Variants in MAGI1 observed in about 807,000 individuals in gnomAD.
MAGI1 encodes the protein membrane-associated guanylate kinase, WW and PDZ domain-containing protein 1.
Under a neutral mutation model 139.9 loss-of-function variants are expected in MAGI1, and 58 were observed. The ratio of observed to expected loss-of-function variants is 0.41; its 90% CI spans 0.34 to 0.52. The LOEUF (loss-of-function observed/expected upper bound fraction) is 0.52, where lower values mean the gene tolerates loss of function less well. MAGI1 is among the 20% of genes least tolerant of loss of function. MAGI1 has a pLI of 0.12. For synonymous variants in MAGI1, 812 were observed against 737.9 expected (o/e 1.10, Z -1.63); for missense variants, 1,874 against 1,901.6 (o/e 0.99, Z 0.27).
At chr3:65,521,837 T>A (rs999315498) in intron 2 of MAGI1, among the ~76,000 whole-genome samples, 2 of 152,220 alleles carry the variant, frequency 1.3e-5, no homozygotes, top group Non-Finnish European at 2.9e-5. Flanking sequence ...TGCTGATGCA[T>A]AAACCATAGC....
rs57620708 is a variant in MAGI1, at chr3:65,754,159, G to C, written c.314-132071C>G. 8.7e-3 allele frequency among the ~76,000 whole-genome samples: 1,330 copies of C among 152,156 alleles called. 27 individuals are homozygous for C. Among genetic ancestry groups the C allele is most frequent in the African/African-American group, 0.03 (1,256 of 41,526 alleles). ...TAAAATATAGTGACTTTTTACCAATGATTTTAAAGGATAAAAGCAAAATCC... is the reference window on the plus strand; with the variant it reads ...TAAAATATAGTGACTTTTTACCAATCATTTTAAAGGATAAAAGCAAAATCC... On this transcript the variant is annotated intron_variant, in intron 1 of 22. Coordinates refer to ENST00000402939, the MANE Select transcript of MAGI1 (RefSeq NM_001033057.2).
At chr3:65,810,000 TCA>T (rs765002511) in intron 1 of MAGI1, among the ~76,000 whole-genome samples, 10 of 151,128 alleles carry the variant, frequency 6.6e-5, no homozygotes, top group Non-Finnish European at 1.3e-4. Context: ...TCCCTCTCTC[TCA>T]CACACACACA....
intron 1 of MAGI1, among the ~76,000 whole-genome samples, chr3:65,694,558 G>A (rs2088974168): frequency 6.6e-6 from 1 of 152,172 alleles, no homozygotes; most frequent in Admixed American, 6.5e-5. Flanking sequence ...ATCCTCAGGG[G>A]TCAGAGAACA....
At chr3:65,382,585 C>T (rs1943142062) in intron 15 of MAGI1, among the ~76,000 whole-genome samples, 2 of 152,196 alleles carry the variant, frequency 1.3e-5, no homozygotes, top group African/African-American at 4.8e-5. Context: ...TAGTGTCTTG[C>T]TGTTATATTT....
intron 1 of MAGI1, among the ~76,000 whole-genome samples, chr3:65,774,106 TAA>T (rs10622916): frequency 6.8e-6 from 1 of 146,774 alleles, no homozygotes; most frequent in Non-Finnish European, 1.5e-5. Flanking sequence ...ACTGGCTAGT[TAA>T]AAAAAAAAAA....
In MAGI1 at chr3:65,361,266, C is replaced by G; in HGVS notation, c.3567G>C (p.Leu1189=). The G allele has an allele frequency of 6.2e-7, 1 of 1,614,196 alleles. No homozygotes were observed. The highest frequency in any genetic ancestry group is 8.5e-7 in the Non-Finnish European group (1 of 1,180,018). ...GAACTCTGCGGCCACCATTCTTAATCAGTTCTATAGCTCGAGAATGCTTCA... is the reference window on the plus strand; with the variant it reads ...GAACTCTGCGGCCACCATTCTTAATGAGTTCTATAGCTCGAGAATGCTTCA... ...KNMKHSRAIE[L]IKNGGRRVRL... The change falls in exon 22 of 23, where the codon CTG becomes CTC. Residue 1189 remains leucine (L), a synonymous_variant. Coordinates refer to ENST00000402939, the MANE Select transcript of MAGI1 (RefSeq NM_001033057.2).
At chr3:65,897,356 A>G (rs1236806517) in intron 1 of MAGI1, among the ~76,000 whole-genome samples, 1 of 152,104 alleles carries the variant, frequency 6.6e-6, no homozygotes, top group Admixed American at 6.5e-5. Context: ...AAACACAGCA[A>G]GAACCTGTCT....
chr3:65,641,251 G>A (rs988658361), intron 1 of MAGI1, among the ~76,000 whole-genome samples: 2 of 152,258 alleles, frequency 1.3e-5, no homozygotes, highest in South Asian at 2.1e-4. Flanking sequence ...TAACGACAAG[G>A]CATCAGCCAG....
At chr3:65,390,710 T>C (rs1943855422) in intron 14 of MAGI1, among the ~76,000 whole-genome samples, 1 of 152,216 alleles carries the variant, frequency 6.6e-6, no homozygotes, top group African/African-American at 2.4e-5. Flanking sequence ...TTACCAGTAT[T>C]TTTAAAAATC....
intron 1 of MAGI1, among the ~76,000 whole-genome samples, chr3:65,902,011 A>G (rs1027775559): frequency 2.0e-5 from 3 of 152,218 alleles, no homozygotes; most frequent in Non-Finnish European, 4.4e-5. Flanking sequence ...ATGTTTCCCC[A>G]TGATATTTAT....
At chr3:66,008,302 G>C (rs755390471) in intron 1 of MAGI1, among the ~76,000 whole-genome samples, 26 of 152,188 alleles carry the variant, frequency 1.7e-4, no homozygotes, top group Non-Finnish European at 3.4e-4. Context: ...ATCAGGACCT[G>C]CATCCCCAGA....
At chr3:65,868,389 G>A (rs187246839) in intron 1 of MAGI1, among the ~76,000 whole-genome samples, 10 of 152,256 alleles carry the variant, frequency 6.6e-5, no homozygotes, top group East Asian at 3.9e-4. Context: ...TCTCAAAGAC[G>A]TGACACAACA....
chr3:65,798,630 G>GATCTA (rs200543121), intron 1 of MAGI1, among the ~76,000 whole-genome samples: 45,445 of 151,972 alleles, frequency 0.3, 7,286 homozygotes, highest in Admixed American at 0.42. Flanking sequence ...ATATTCCCAG[G>GATCTA]AGCTTTGTGA....
At chr3:65,385,547 A>G (rs1487566837) in intron 14 of MAGI1, among the ~76,000 whole-genome samples, 1 of 152,342 alleles carries the variant, frequency 6.6e-6, no homozygotes, top group Admixed American at 6.5e-5. Context: ...TGGCGAAGAG[A>G]TGTCCCTTTT....
At chr3:65,796,983 G>A (rs1039284938) in intron 1 of MAGI1, among the ~76,000 whole-genome samples, 5 of 152,168 alleles carry the variant, frequency 3.3e-5, no homozygotes, top group African/African-American at 1.2e-4. Flanking sequence ...TTCCAAGGGT[G>A]TGATCTTGGA....
At chr3:65,789,971 C>G (rs2039651791) in intron 1 of MAGI1, among the ~76,000 whole-genome samples, 1 of 152,120 alleles carries the variant, frequency 6.6e-6, no homozygotes, top group Admixed American at 6.6e-5. Flanking sequence ...TGCTCAGGAT[C>G]AGAAACATTA....
At chr3:65,687,957 A>G in intron 1 of MAGI1, 1 of 736,616 alleles carries the variant, frequency 1.4e-6, no homozygotes, top group Admixed American at 1.8e-5. Context: ...CTCTCAGTTC[A>G]CAGTTAAAGT....
At chr3:65,582,278 A>G (rs1398127118) in intron 2 of MAGI1, among the ~76,000 whole-genome samples, 1 of 152,202 alleles carries the variant, frequency 6.6e-6, no homozygotes, top group Non-Finnish European at 1.5e-5. Flanking sequence ...TGAACAAGGA[A>G]TAAGAGTCTT....
chr3:65,968,262 G>C (rs1001158038), intron 1 of MAGI1, among the ~76,000 whole-genome samples: 2 of 152,086 alleles, frequency 1.3e-5, no homozygotes, highest in African/African-American at 2.4e-5. Context: ...GTCCACTACT[G>C]GGATTTTATT....
Sources: gnomAD v4.1 joint callset for allele counts (sites outside exome capture counted in the v4.1 genomes callset) on GRCh38, gnomAD v4.1.1 for gene constraint, MANE v1.5 for transcripts, NCBI Gene and HGNC (gene_info 2026-07-23, HGNC 2026-07-21) for gene names.